RORB: variants seen among roughly 807,000 people sequenced by gnomAD.
RORB encodes nuclear receptor ROR-beta.
A neutral mutation model predicts 59.1 loss-of-function variants in RORB; 6 were observed. That is an observed-to-expected ratio of 0.10 (90% confidence interval 0.06 to 0.20). The LOEUF (loss-of-function observed/expected upper bound fraction) is 0.20. Among genes scored for constraint, RORB ranks in the 10% least tolerant of loss-of-function variants. The pLI is 1.00. For missense variants in RORB, 320 were observed against 560.5 expected, an observed-to-expected ratio of 0.57 and a Z score of 4.33; for synonymous variants, 215 against 204.5, an observed-to-expected ratio of 1.05 and a Z score of -0.44.
chr9:74,679,720 A>G (rs911173079), intron 9 of RORB, among the ~76,000 whole-genome samples: 2 of 152,226 alleles, frequency 1.3e-5, no homozygotes, highest in African/African-American at 4.8e-5. Flanking sequence ...TAGGTAAAAC[A>G]TCCAGAAATT....
chr9:74,512,560 G>A (rs1024584947), intron 1 of RORB, among the ~76,000 whole-genome samples: 2 of 152,122 alleles, frequency 1.3e-5, no homozygotes, highest in Admixed American at 1.3e-4. Context: ...AAAATGTGGA[G>A]TTATCACAAC....
chr9:74,628,085 C>T (rs1441919497), intron 1 of RORB, among the ~76,000 whole-genome samples: 1 of 152,142 alleles, frequency 6.6e-6, no homozygotes, highest in African/African-American at 2.4e-5. Context: ...AGCATAAGAT[C>T]AGATATTTTA....
chr9:74,569,678 C>G (rs1384946052), intron 1 of RORB, among the ~76,000 whole-genome samples: 4 of 151,828 alleles, frequency 2.6e-5, no homozygotes, highest in African/African-American at 9.7e-5. Context: ...TAAAAATAAT[C>G]TACAAAATTA....
intron 3 of RORB, among the ~76,000 whole-genome samples, chr9:74,641,275 C>A (rs113046026): frequency 1.4e-4 from 22 of 152,290 alleles, no homozygotes; most frequent in African/African-American, 5.1e-4. Flanking sequence ...CACAACAGTT[C>A]AGGAGGTTAA....
intron 1 of RORB, among the ~76,000 whole-genome samples, chr9:74,561,436 A>AT (rs1732912604): frequency 6.6e-6 from 1 of 152,182 alleles, no homozygotes; most frequent in South Asian, 2.1e-4. Flanking sequence ...CTAAATGAAG[A>AT]TGAGTTTAAG....
In RORB at chr9:74,625,425, A is replaced by G. The variant is rs141403341; in HGVS notation, c.8-4857A>G. On this transcript the variant is annotated intron_variant, in intron 1 of 9. Transcript: ENST00000376896. The stretch of plus-strand genomic sequence containing the variant: ...GGCCAGAAGTTAGAGACCAGCCTGG[A>G]CAACATAGCAAGAGTCTGTCCCTAC... Among the ~76,000 whole-genome samples the G allele has an allele frequency of 8.0e-3, 1,219 of 152,294 alleles. 10 individuals are homozygous for G. Among genetic ancestry groups the G allele is most frequent in the Non-Finnish European group, 0.013 (889 of 68,010 alleles).
chr9:74,516,485 A>G (rs978923672), intron 1 of RORB, among the ~76,000 whole-genome samples: 1 of 151,998 alleles, frequency 6.6e-6, no homozygotes, highest in Non-Finnish European at 1.5e-5. Context: ...TGAAATGTCA[A>G]AATAGGAGTT....
intron 1 of RORB, among the ~76,000 whole-genome samples, chr9:74,507,271 A>G (rs1825882358): frequency 6.6e-6 from 1 of 152,074 alleles, no homozygotes; most frequent in Admixed American, 6.6e-5. Flanking sequence ...GTAAATATGC[A>G]TCATACTTAG....
At chr9:74,590,711 C>T (rs970310501) in intron 1 of RORB, among the ~76,000 whole-genome samples, 2 of 152,358 alleles carry the variant, frequency 1.3e-5, no homozygotes, top group East Asian at 3.9e-4. Flanking sequence ...TGCAGACATA[C>T]ATCGTTGCCC....
At chr9:74,548,170 G>T (rs1274096608) in intron 1 of RORB, among the ~76,000 whole-genome samples, 4 of 152,226 alleles carry the variant, frequency 2.6e-5, no homozygotes, top group Admixed American at 6.5e-5. Flanking sequence ...GCATGACCGT[G>T]TGGGGAGAGG....
At chr9:74,502,059 TTATTTTATACTC>T (rs1264016926) in intron 1 of RORB, among the ~76,000 whole-genome samples, 1 of 152,176 alleles carries the variant, frequency 6.6e-6, no homozygotes, top group African/African-American at 2.4e-5. Context: ...AATAAAAACA[TTATTTTATACTC>T]TTAACCAAAT....
chr9:74,660,853 C>A (rs1353551840), intron 5 of RORB, 115 bp downstream of exon 5: 2 of 1,091,392 alleles, frequency 1.8e-6, no homozygotes, highest in Non-Finnish European at 2.6e-6. Context: ...GGGCATCCTG[C>A]AAATTGTTCG....
intron 1 of RORB, 81 bp downstream of exon 1, chr9:74,498,064 C>T (rs990259515): frequency 1.2e-4 from 183 of 1,518,234 alleles, no homozygotes; most frequent in Non-Finnish European, 1.5e-4. Flanking sequence ...GGGAGGGCAC[C>T]CAGCAGAAAG....
rs558146240 is a variant in RORB at position 74,631,026 on chromosome 9, C to T, written c.93+659C>T. Among the ~76,000 whole-genome samples the T allele has an allele frequency of 5.3e-5, 8 of 152,226 alleles. No homozygotes were observed. The South Asian group carries it at 1.7e-3, about 32-fold the overall frequency. On this transcript the variant is annotated intron_variant, in intron 2 of 9. Transcript: ENST00000376896. The stretch of plus-strand genomic sequence containing the variant: ...GTAAAGAACAGAGCATGGCCAAAAA[C>T]ATGGGGTTTTTCAGTCTCAATCCAG...
intron 1 of RORB, among the ~76,000 whole-genome samples, chr9:74,589,712 C>G (rs956868384): frequency 2.0e-5 from 3 of 152,062 alleles, no homozygotes; most frequent in East Asian, 3.9e-4. Flanking sequence ...TGGGGGTGCC[C>G]TCGCATGAAC....
At chr9:74,539,087 C>A (rs893655913) in intron 1 of RORB, among the ~76,000 whole-genome samples, 1 of 152,140 alleles carries the variant, frequency 6.6e-6, no homozygotes, top group Non-Finnish European at 1.5e-5. Context: ...AAAAGCTGAA[C>A]TCAAGTTCAT....
chr9:74,598,165 G>A (rs530098180), intron 1 of RORB, among the ~76,000 whole-genome samples: 5 of 152,138 alleles, frequency 3.3e-5, no homozygotes, highest in African/African-American at 4.8e-5. Flanking sequence ...CTCTCTTGGC[G>A]TGTCAATTGC....
At chr9:74,551,402 A>T (rs985449848) in intron 1 of RORB, among the ~76,000 whole-genome samples, 1 of 152,214 alleles carries the variant, frequency 6.6e-6, no homozygotes, top group African/African-American at 2.4e-5. Context: ...AGTTGATATG[A>T]TCACCAGGTC....
rs1824685432 is a variant in RORB, at chr9:74,688,517, GTGCTTCA to G, written c.*2901_*2907del. Reference sequence around the variant, plus strand: ...ATCCACAATCTGGGCTTCTCACTTCGTGCTTCATAAATGACAATCACTGCTTGATGCA... The same window carrying G: ...ATCCACAATCTGGGCTTCTCACTTCGTAAATGACAATCACTGCTTGATGCA... On this transcript the variant is annotated 3_prime_UTR_variant, in exon 10 of 10. Transcript: ENST00000376896. The G allele has an allele frequency of 6.6e-6, 1 of 151,676 alleles. No homozygotes were observed. The highest frequency in any genetic ancestry group is 1.5e-5 in the Non-Finnish European group (1 of 67,990). The allele number at this position is 151,676 out of a possible 1,614,324, so 9.4% of individuals were successfully genotyped here.
Sources: allele counts gnomAD v4.1 joint callset (sites outside exome capture counted in the v4.1 genomes callset), GRCh38; gene constraint gnomAD v4.1.1; transcripts MANE v1.5; gene names NCBI Gene and HGNC (gene_info 2026-07-23, HGNC 2026-07-21).